ZNF652: variants seen among roughly 807,000 people sequenced by gnomAD.
ZNF652 encodes the protein zinc finger protein 652.
Under a neutral mutation model 45.2 loss-of-function variants are expected in ZNF652, and 16 were observed. That is an observed-to-expected ratio of 0.35 (90% CI 0.24 to 0.54). The LOEUF (loss-of-function observed/expected upper bound fraction) is 0.54. ZNF652 is among the 20% of genes least tolerant of loss of function. The pLI, the probability that ZNF652 is intolerant of heterozygous loss-of-function variation, is 0.91. For missense variants in ZNF652, 614 were observed against 765.6 expected (o/e 0.80, Z 2.34); for synonymous variants, 250 against 260.6 (o/e 0.96, Z 0.39).
chr17:49,328,009 T>C (rs888368574), intron 1 of ZNF652, among the ~76,000 whole-genome samples: 29 of 151,846 alleles, frequency 1.9e-4, no homozygotes, highest in African/African-American at 7.0e-4. Flanking sequence ...TAAAACCTCA[T>C]AGGTGAGTCA....
rs936482738 is a variant in ZNF652, at chr17:49,311,506, C to T, written c.1165-50G>A. The T allele has an allele frequency of 2.5e-6, 4 of 1,584,082 alleles. No homozygotes were observed. The African/African-American group carries it at 5.4e-5, about 21-fold the overall frequency. ...TTGAATGCCAAGCATAGTAGCTTTA[C>T]CTGAGCCCACCCTAACACAGTCTCT... On this transcript the variant is annotated intron_variant, in intron 4 of 5. Coordinates refer to ENST00000430262, the MANE Select transcript of ZNF652 (RefSeq NM_001145365.3).
chr17:49,345,620 TCAC>T (rs1418591641), intron 1 of ZNF652, among the ~76,000 whole-genome samples: 1 of 151,432 alleles, frequency 6.6e-6, no homozygotes, highest in Non-Finnish European at 1.5e-5. Flanking sequence ...GGTGGGCCGA[TCAC>T]GAGGTCAGGA....
intron 1 of ZNF652, among the ~76,000 whole-genome samples, chr17:49,337,337 TAAAAAAAAA>T (rs71369295): frequency 1.9e-4 from 25 of 130,534 alleles, no homozygotes; most frequent in African/African-American, 6.6e-4. Context: ...CCCATTCTCT[TAAAAAAAAA>T]AAAAAAAAGA....
rs946241503 is a variant in ZNF652, at chr17:49,304,878, G to GTGTA, written c.1310-5955_1310-5954insTACA. ...AATATACATATATGTATATATATGTGTATATATATATATATATACACACAC... is the reference window on the plus strand; with the variant it reads ...AATATACATATATGTATATATATGTGTGTATATATATATATATATATACACACAC... On this transcript the variant is annotated intron_variant, in intron 5 of 5. Transcript: ENST00000430262. 8.6e-4 allele frequency among the ~76,000 whole-genome samples: 129 copies of GTGTA among 149,224 alleles called. 1 individual carries two copies. Among genetic ancestry groups the GTGTA allele is most frequent in the Middle Eastern group, 3.4e-3 (1 of 290 alleles).
At position 49,300,309 on chromosome 17, in the gene ZNF652, C is replaced by T. The variant is rs117970385; in HGVS notation, c.1310-1385G>A. 2.3e-3 allele frequency among the ~76,000 whole-genome samples: 348 copies of T among 152,210 alleles called. 10 individuals carry two copies. In the East Asian group the frequency reaches 0.049, roughly 21 times the overall value. On this transcript the variant is annotated intron_variant, in intron 5 of 5. Coordinates refer to ENST00000430262, the MANE Select transcript of ZNF652 (RefSeq NM_001145365.3). ...TGCCGCTATGCCATTTCCCAATGTC[C>T]GTGGGTGTAGGGAGGGTGTTGGGGG...
intron 5 of ZNF652, among the ~76,000 whole-genome samples, chr17:49,304,679 CT>C (rs1162935518): frequency 6.6e-6 from 1 of 151,974 alleles, no homozygotes; most frequent in Non-Finnish European, 1.5e-5. Context: ...GTAGATAAAG[CT>C]AACCTAATTG....
intron 1 of ZNF652, among the ~76,000 whole-genome samples, chr17:49,356,223 C>T (rs1275372361): frequency 1.3e-5 from 2 of 151,820 alleles, no homozygotes; most frequent in Non-Finnish European, 2.9e-5. Flanking sequence ...GACAGGAGTT[C>T]AAGACCAGCC....
intron 1 of ZNF652, among the ~76,000 whole-genome samples, chr17:49,334,779 C>CAAAAAA (rs5820756): frequency 8.6e-6 from 1 of 115,662 alleles, no homozygotes. Context: ...ACTCGATCTC[C>CAAAAAA]AAAAAAAAAA....
chr17:49,298,823 A>G lies in ZNF652; in HGVS notation c.1411T>C (p.Cys471Arg). 2 of 1,614,154 alleles carry G rather than the reference A, an allele frequency of 1.2e-6. No homozygotes were observed. Among genetic ancestry groups the G allele is most frequent in the Non-Finnish European group, 1.7e-6 (2 of 1,180,042 alleles). Reference sequence around the variant, plus strand: ...CGGAACCGCTGGCCACACACATCACATGGATAGGGCTTCTCGCCTGTGTGA... The same window carrying G: ...CGGAACCGCTGGCCACACACATCACGTGGATAGGGCTTCTCGCCTGTGTGA... ...RTHTGEKPYP[C>R]DVCGQRFRFS... is the part of the protein sequence containing the mutation. The change falls in exon 6 of 6, where the codon TGT (cysteine) becomes CGT (arginine). Residue 471 changes from cysteine (C) to arginine (R), a missense_variant. By Grantham distance (180) the Cys-to-Arg change is radical. Coordinates refer to ENST00000430262, the MANE Select transcript of ZNF652 (RefSeq NM_001145365.3).
chr17:49,318,270 G>A (rs2069839154), intron 1 of ZNF652, among the ~76,000 whole-genome samples: 1 of 152,060 alleles, frequency 6.6e-6, no homozygotes, highest in Non-Finnish European at 1.5e-5. Context: ...TAGAGACGGG[G>A]TTTTGCCATC....
At chr17:49,356,429 CAA>C (rs35374808) in intron 1 of ZNF652, among the ~76,000 whole-genome samples, 2 of 42,340 alleles carry the variant, frequency 4.7e-5, no homozygotes, top group Non-Finnish European at 7.7e-5. Flanking sequence ...ACTCTGTCTG[CAA>C]AAAAAAAAAA....
rs2069436626 is a variant in ZNF652 at position 49,293,804 on chromosome 17, G to A, written c.*4609C>T. On this transcript the variant is annotated 3_prime_UTR_variant, in exon 6 of 6. Coordinates refer to ENST00000430262, the MANE Select transcript of ZNF652 (RefSeq NM_001145365.3). ...GTTGATTTTTTTAAAACAGTAATTA[G>A]CTGATACAATTCTTAAATGTAATGT... 6.6e-6 allele frequency among the ~76,000 whole-genome samples: 1 copy of A among 151,586 alleles called. No homozygotes were observed.
At chr17:49,307,722 A>C (rs1004148508) in intron 5 of ZNF652, among the ~76,000 whole-genome samples, 1 of 151,780 alleles carries the variant, frequency 6.6e-6, no homozygotes, top group African/African-American at 2.4e-5. Context: ...ACTGCACTCC[A>C]GCCTGGGCAA....
intron 2 of ZNF652, 98 bp downstream of exon 2, chr17:49,316,728 C>T: frequency 7.9e-7 from 1 of 1,265,538 alleles, no homozygotes; most frequent in Non-Finnish European, 1.1e-6. Context: ...ACTGTCCCTT[C>T]AGCCTCTATT....
At chr17:49,360,527 T>C (rs1025357702) in intron 1 of ZNF652, among the ~76,000 whole-genome samples, 19 of 152,186 alleles carry the variant, frequency 1.2e-4, no homozygotes, top group Non-Finnish European at 2.8e-4. Flanking sequence ...CTGAATACTG[T>C]GCACGGTCCT....
chr17:49,348,519 GAAAA>G (rs2070234933), intron 1 of ZNF652, among the ~76,000 whole-genome samples: 1 of 148,296 alleles, frequency 6.7e-6, no homozygotes, highest in Non-Finnish European at 1.5e-5. Context: ...GAAAAGAAAA[GAAAA>G]GAAAAGAAAA....
At chr17:49,321,964 A>G (rs918828917) in intron 1 of ZNF652, among the ~76,000 whole-genome samples, 13 of 152,230 alleles carry the variant, frequency 8.5e-5, no homozygotes, top group African/African-American at 3.1e-4. Context: ...ATAATCAAGA[A>G]TAAAAGAAAT....
chr17:49,304,473 A>C (rs1438910154), intron 5 of ZNF652, among the ~76,000 whole-genome samples: 1 of 152,144 alleles, frequency 6.6e-6, no homozygotes, highest in East Asian at 1.9e-4. Flanking sequence ...TGAAACCTCA[A>C]GTTTAAGATT....
rs567819489 is a variant in ZNF652 at position 49,308,018 on chromosome 17, A to C, written c.1309+3294T>G. Among the ~76,000 whole-genome samples the C allele has an allele frequency of 2.0e-5, 3 of 152,322 alleles. No individual in the cohort carries two copies. In the South Asian group the frequency reaches 6.2e-4, roughly 32 times the overall value. ...TATATACATGAACACATAAACACTTATGCAAAGTATTGGTCTATATGTGTG... is the reference window on the plus strand; with the variant it reads ...TATATACATGAACACATAAACACTTCTGCAAAGTATTGGTCTATATGTGTG... On this transcript the variant is annotated intron_variant, in intron 5 of 5. Transcript: ENST00000430262.
Sources: gnomAD v4.1 joint callset for allele counts (sites outside exome capture counted in the v4.1 genomes callset) on GRCh38, gnomAD v4.1.1 for gene constraint, MANE v1.5 for transcripts, NCBI Gene and HGNC (gene_info 2026-07-23, HGNC 2026-07-21) for gene names.